The following NEDD4L variants were observed in gnomAD, a reference collection of about 807,000 sequenced individuals.
The protein encoded by NEDD4L is NEDD4 like E3 ubiquitin protein ligase, also known as E3 ubiquitin-protein ligase NEDD4-like.
Under a neutral mutation model 148.9 loss-of-function variants are expected in NEDD4L, and 54 were observed. The observed-to-expected ratio is 0.36, with a 90% CI of 0.29 to 0.45. NEDD4L has a LOEUF of 0.45. Among genes scored for constraint, NEDD4L ranks in the 20% least tolerant of loss-of-function variants. The probability of loss-of-function intolerance (pLI) is 1.00; values close to 1 mark genes in which losing one functional copy is unlikely to be tolerated. For missense variants in NEDD4L, 856 were observed against 1,233.8 expected, an observed-to-expected ratio of 0.69 and a Z score of 4.59; for synonymous variants, 433 against 440.7, an observed-to-expected ratio of 0.98 and a Z score of 0.22.
intron 1 of NEDD4L, among the ~76,000 whole-genome samples, chr18:58,143,583 A>G (rs1394740808): frequency 6.6e-6 from 1 of 152,230 alleles, no homozygotes; most frequent in Admixed American, 6.5e-5. Flanking sequence ...AAGCAAGCTC[A>G]CAGAGGGAGA....
intron 1 of NEDD4L, among the ~76,000 whole-genome samples, chr18:58,139,057 C>T (rs2033191464): frequency 6.6e-6 from 1 of 152,196 alleles, no homozygotes; most frequent in Non-Finnish European, 1.5e-5. Context: ...CAGTGCCTTG[C>T]CTTTATTTTA....
rs2050821365 is a variant in NEDD4L, at chr18:58,401,138, A to T, written c.*4869A>T. The T allele has an allele frequency of 6.6e-6, 1 of 152,212 alleles. No homozygotes were observed. Among genetic ancestry groups the T allele is most frequent in the African/African-American group, 2.4e-5 (1 of 41,446 alleles). The allele number at this position is 152,212 out of a possible 1,614,324, so 9.4% of individuals were successfully genotyped here. A position where few individuals can be genotyped will look rare whatever the true frequency, so the allele number is the denominator to read the frequency against. On this transcript the variant is annotated 3_prime_UTR_variant, in exon 31 of 31. Transcript: ENST00000400345. ...GATCTATCATCAAATGAAACATGAA[A>T]AAAACAGTGACTTTTAAGGTGAAAA...
At chr18:58,380,026 A>T (rs1319144768) in intron 24 of NEDD4L, among the ~76,000 whole-genome samples, 1 of 152,016 alleles carries the variant, frequency 6.6e-6, no homozygotes, top group Non-Finnish European at 1.5e-5. Context: ...CTGTGACCTC[A>T]TTTAGCATGG....
intron 2 of NEDD4L, among the ~76,000 whole-genome samples, chr18:58,244,660 T>C (rs2148400153): frequency 6.6e-6 from 1 of 152,004 alleles, no homozygotes; most frequent in South Asian, 2.1e-4. Context: ...GGGTTTTGTT[T>C]TGATTTGTTT....
At chr18:58,235,450 T>G (rs561397631) in intron 2 of NEDD4L, among the ~76,000 whole-genome samples, 1 of 152,276 alleles carries the variant, frequency 6.6e-6, no homozygotes, top group African/African-American at 2.4e-5. Flanking sequence ...ACGGTGACAG[T>G]GGAAGTGAAG....
intron 1 of NEDD4L, among the ~76,000 whole-genome samples, chr18:58,090,076 G>A (rs906163050): frequency 6.6e-6 from 1 of 152,106 alleles, no homozygotes; most frequent in Admixed American, 6.5e-5. Context: ...CTGACCTCGT[G>A]ATCTGCTCAC....
At chr18:58,209,508 A>G (rs2042388853) in intron 2 of NEDD4L, among the ~76,000 whole-genome samples, 1 of 72,392 alleles carries the variant, frequency 1.4e-5, no homozygotes, top group African/African-American at 6.9e-5. Flanking sequence ...GAATGCCAAC[A>G]ACTAGCCTGT....
intron 1 of NEDD4L, among the ~76,000 whole-genome samples, chr18:58,068,190 CTTTTTTT>C (rs201565393): frequency 1.8e-5 from 2 of 109,310 alleles, no homozygotes; most frequent in Non-Finnish European, 1.8e-5. Flanking sequence ...TCCTAGAATT[CTTTTTTT>C]TTTTTTTTTT....
intron 1 of NEDD4L, among the ~76,000 whole-genome samples, chr18:58,111,600 A>G (rs955443201): frequency 1.3e-5 from 2 of 152,194 alleles, no homozygotes; most frequent in Non-Finnish European, 2.9e-5. Flanking sequence ...ATGTTATAGC[A>G]GGTATCAGCA....
intron 5 of NEDD4L, 35 bp from the exon 6 acceptor site, chr18:58,315,947 A>G (rs772224378): frequency 3.8e-6 from 6 of 1,573,384 alleles, no homozygotes; most frequent in Non-Finnish European, 4.4e-6. Context: ...CAGTGAAGAA[A>G]TGGAAACACT....
chr18:58,180,429 G>A (rs1043331117), intron 2 of NEDD4L, among the ~76,000 whole-genome samples: 4 of 152,290 alleles, frequency 2.6e-5, no homozygotes, highest in South Asian at 2.1e-4. Flanking sequence ...GGCCAGCACC[G>A]AGTCCTGCAC....
At chr18:58,125,038 G>T (rs2145870717) in intron 1 of NEDD4L, among the ~76,000 whole-genome samples, 1 of 152,262 alleles carries the variant, frequency 6.6e-6, no homozygotes, top group East Asian at 1.9e-4. Context: ...GAGTAGCTGG[G>T]ACTACAGGTG....
At chr18:58,315,275 T>G (rs2058137180) in intron 5 of NEDD4L, among the ~76,000 whole-genome samples, 1 of 152,144 alleles carries the variant, frequency 6.6e-6, no homozygotes, top group Non-Finnish European at 1.5e-5. Flanking sequence ...AGCTGAATCA[T>G]GACTTCCCAG....
chr18:58,238,998 T>C (rs945766654), intron 2 of NEDD4L, among the ~76,000 whole-genome samples: 1 of 152,228 alleles, frequency 6.6e-6, no homozygotes, highest in African/African-American at 2.4e-5. Context: ...TATTACTTTA[T>C]TGAGGATAGA....
At chr18:58,299,388 A>G (rs2056147164) in intron 5 of NEDD4L, among the ~76,000 whole-genome samples, 1 of 152,284 alleles carries the variant, frequency 6.6e-6, no homozygotes, top group African/African-American at 2.4e-5. Flanking sequence ...GCAGCAGAGC[A>G]TATGAATAAC....
At position 58,341,698 on chromosome 18, in the gene NEDD4L, C is replaced by G; in HGVS notation, c.1278C>G (p.Ser426=). ...PIMQLAEDGA[S]GSATNSNNHL... The stretch of plus-strand genomic sequence containing the variant: ...AATAGCTTGCAGAAGATGGTGCGTC[C>G]GGATCAGCCACAAACAGTAACAACC... The change falls in exon 15 of 31, where the codon TCC becomes TCG. Residue 426 remains serine (S), a synonymous_variant. Coordinates refer to ENST00000400345, the MANE Select transcript of NEDD4L (RefSeq NM_001144967.3). The G allele has an allele frequency of 2.5e-6, 4 of 1,613,490 alleles. No individual in the cohort carries two copies. The highest frequency in any genetic ancestry group is 1.1e-5 in the South Asian group (1 of 90,858).
At chr18:58,385,664 T>C (rs2048916573) in intron 26 of NEDD4L, 78 bp downstream of exon 26, 1 of 1,192,668 alleles carries the variant, frequency 8.4e-7, no homozygotes. Context: ...CTCCTTTAGC[T>C]AGTGTGGTGG....
At chr18:58,168,453 C>T (rs576256271) in intron 2 of NEDD4L, among the ~76,000 whole-genome samples, 1 of 152,340 alleles carries the variant, frequency 6.6e-6, no homozygotes, top group South Asian at 2.1e-4. Flanking sequence ...TAGTGTACAA[C>T]AAGGATAACA....
chr18:58,374,156 G>A (rs1568893291), intron 24 of NEDD4L, among the ~76,000 whole-genome samples: 1 of 152,226 alleles, frequency 6.6e-6, no homozygotes, highest in Non-Finnish European at 1.5e-5. Flanking sequence ...GAGAATCTTT[G>A]AGAAAAGAAG....
Sources: allele counts gnomAD v4.1 joint callset (sites outside exome capture counted in the v4.1 genomes callset), GRCh38; gene constraint gnomAD v4.1.1; transcripts MANE v1.5; gene names NCBI Gene and HGNC (gene_info 2026-07-23, HGNC 2026-07-21).